Variants in MARCHF10 observed in about 807,000 individuals in gnomAD.
MARCHF10 encodes the protein probable E3 ubiquitin-protein ligase MARCHF10.
MARCHF10 carries 64 observed loss-of-function variants against 76.2 expected under a neutral mutation model. That is an observed-to-expected ratio of 0.84 (90% CI 0.69 to 1.03). MARCHF10 has a LOEUF of 1.03. Ranked by LOEUF, MARCHF10 falls within the 50% of genes least tolerant of loss-of-function variation. The probability of loss-of-function intolerance (pLI) is 0.00; values close to 1 mark genes in which losing one functional copy is unlikely to be tolerated. For missense variants in MARCHF10, 875 were observed against 958.0 expected (o/e 0.91, Z 1.14); for synonymous variants, 340 against 357.5 (o/e 0.95, Z 0.55).
At chr17:62,791,736 C>T (rs1026395529) in intron 2 of MARCHF10, among the ~76,000 whole-genome samples, 1 of 152,058 alleles carries the variant, frequency 6.6e-6, no homozygotes, top group African/African-American at 2.4e-5. Context: ...GTCGTAGAAG[C>T]AGCAAGAACC....
chr17:62,759,585 T>C (rs2092139073), intron 4 of MARCHF10, among the ~76,000 whole-genome samples: 1 of 152,176 alleles, frequency 6.6e-6, no homozygotes, highest in Non-Finnish European at 1.5e-5. Context: ...TTCAAGCGAT[T>C]CTCCTGCCTC....
intron 4 of MARCHF10, among the ~76,000 whole-genome samples, chr17:62,754,087 T>TGTC (rs1300696250): frequency 6.6e-6 from 1 of 152,136 alleles, no homozygotes; most frequent in Non-Finnish European, 1.5e-5. Context: ...TTGTTGTTGT[T>TGTC]GTCGAGACAT....
intron 3 of MARCHF10, among the ~76,000 whole-genome samples, chr17:62,771,371 C>G (rs938397329): frequency 6.6e-6 from 1 of 151,652 alleles, no homozygotes; most frequent in Non-Finnish European, 1.5e-5. Context: ...GGGGAGGGAA[C>G]AGCACGTGCA....
intron 8 of MARCHF10, among the ~76,000 whole-genome samples, chr17:62,715,346 A>G (rs1470528617): frequency 6.6e-6 from 1 of 152,222 alleles, no homozygotes; most frequent in Non-Finnish European, 1.5e-5. Flanking sequence ...ACCACGCCCA[A>G]TGGCAGGATA....
At chr17:62,766,233 GCTCACGCCT>G (rs1158047405) in intron 3 of MARCHF10, among the ~76,000 whole-genome samples, 3 of 152,138 alleles carry the variant, frequency 2.0e-5, no homozygotes, top group Non-Finnish European at 4.4e-5. Flanking sequence ...GGACGCGGTG[GCTCACGCCT>G]GTAATCCCAG....
At chr17:62,755,793 C>T (rs2092021797) in intron 4 of MARCHF10, among the ~76,000 whole-genome samples, 1 of 152,150 alleles carries the variant, frequency 6.6e-6, no homozygotes, top group Non-Finnish European at 1.5e-5. Flanking sequence ...AGTAGTTGTA[C>T]CTGCATTTAT....
intron 3 of MARCHF10, among the ~76,000 whole-genome samples, chr17:62,778,469 C>T (rs2092593895): frequency 2.6e-5 from 4 of 151,980 alleles, no homozygotes; most frequent in African/African-American, 9.7e-5. Context: ...GACAATAATC[C>T]AGACAAATCC....
At chr17:62,769,185 T>C (rs1046420417) in intron 3 of MARCHF10, among the ~76,000 whole-genome samples, 1 of 152,200 alleles carries the variant, frequency 6.6e-6, no homozygotes, top group Non-Finnish European at 1.5e-5. Flanking sequence ...TGGTAAATGC[T>C]GTGTTTGATC....
At position 62,711,087 on chromosome 17, in the gene MARCHF10, G is replaced by T; in HGVS notation, c.2328+144C>A. ...AGGGTCACCATGTGTACACTTAGCA[G>T]CTGCTAAATCTTAGTCCTAACAATG... On this transcript the variant is annotated intron_variant, in intron 9 of 10. Transcript: ENST00000311269. The surrounding 1 kb of genome is among the most constrained non-coding windows in gnomAD (Gnocchi z 4.4). 1.5e-6 allele frequency: 1 copy of T among 652,556 alleles called. No homozygotes were observed. The allele number at this position is 652,556 out of a possible 1,614,324, so 40.4% of individuals were successfully genotyped here. A position where few individuals can be genotyped will look rare whatever the true frequency, so the allele number is the denominator to read the frequency against.
chr17:62,748,895 C>T (rs1171701282), intron 4 of MARCHF10, among the ~76,000 whole-genome samples: 12 of 152,106 alleles, frequency 7.9e-5, no homozygotes. Context: ...TCCTATTTAC[C>T]CTGGACGATG....
chr17:62,713,308 G>GA (rs936454136), intron 8 of MARCHF10, among the ~76,000 whole-genome samples: 4 of 152,198 alleles, frequency 2.6e-5, no homozygotes, highest in African/African-American at 9.7e-5. Flanking sequence ...CAATCAGCTA[G>GA]AAAATGGTTT....
chr17:62,704,961 T>TTTATTGTAA, intron 10 of MARCHF10: 1 of 925,282 alleles, frequency 1.1e-6, no homozygotes, highest in Non-Finnish European at 1.3e-6. Flanking sequence ...TTTTTTTTTT[T>TTTATTGTAA]AATGGAAAAA....
chr17:62,738,087 C>CACAT lies in MARCHF10; in HGVS notation c.536-756_536-755insATGT, dbSNP rs1380371230. On this transcript the variant is annotated intron_variant, in intron 5 of 10. Coordinates refer to ENST00000311269, the MANE Select transcript of MARCHF10 (RefSeq NM_152598.4). This position sits in a 1 kb window ranked among gnomAD's most constrained non-coding sequence, Gnocchi z 4.0. The stretch of plus-strand genomic sequence containing the variant: ...ACACACACACACACACACACACACA[C>CACAT]ACACACACACACAACTTAAGCCTCA... 6.6e-6 allele frequency among the ~76,000 whole-genome samples: 1 copy of CACAT among 151,408 alleles called. No homozygotes were observed.
At chr17:62,705,042 T>G (rs12939531) in intron 10 of MARCHF10, 1 of 1,002,354 alleles carries the variant, frequency 1.0e-6, no homozygotes, top group African/African-American at 1.7e-5. Context: ...GGCCCTTTCT[T>G]GGGAGACCTG....
chr17:62,704,505 G>A (rs1345358057), intron 10 of MARCHF10, among the ~76,000 whole-genome samples: 1 of 152,376 alleles, frequency 6.6e-6, no homozygotes. Context: ...TGCGTGCCCG[G>A]AATAATAAAT....
At chr17:62,716,174 C>T (rs754624283) in intron 8 of MARCHF10, among the ~76,000 whole-genome samples, 15 of 152,232 alleles carry the variant, frequency 9.9e-5, no homozygotes, top group Admixed American at 3.9e-4. Flanking sequence ...TTTTGACCTC[C>T]ACCTGCAGGA....
intron 10 of MARCHF10, chr17:62,704,907 C>A: frequency 1.0e-6 from 1 of 983,258 alleles, no homozygotes; most frequent in Non-Finnish European, 1.2e-6. Context: ...AGTCTGACTT[C>A]GAGCCCGCCT....
rs183232528 is a variant in MARCHF10, at chr17:62,705,022, C to T, written c.2371+517G>A. ...ACCTGTTTGCAGAGAGCCGTCTTGCCCGCTTTGAGGGCCCTTTCTTGGGAG... is the reference window on the plus strand; with the variant it reads ...ACCTGTTTGCAGAGAGCCGTCTTGCTCGCTTTGAGGGCCCTTTCTTGGGAG... On this transcript the variant is annotated intron_variant, in intron 10 of 10. Transcript: ENST00000311269. 2,157 of 993,108 alleles carry T rather than the reference C, an allele frequency of 2.2e-3. 3 individuals carry two copies. Among genetic ancestry groups the T allele is most frequent in the Non-Finnish European group, 2.1e-3 (1,797 of 836,062 alleles). The allele number at this position is 993,108 out of a possible 1,614,324, so 61.5% of individuals were successfully genotyped here. A position where few individuals can be genotyped will look rare whatever the true frequency, so the allele number is the denominator to read the frequency against.
chr17:62,800,859 C>T (rs957303715), intron 2 of MARCHF10, among the ~76,000 whole-genome samples: 17 of 152,142 alleles, frequency 1.1e-4, no homozygotes, highest in African/African-American at 2.7e-4. Flanking sequence ...TGGTTTTGCA[C>T]GTAAACACTG....
Sources: allele counts gnomAD v4.1 joint callset (sites outside exome capture counted in the v4.1 genomes callset), GRCh38; gene constraint gnomAD v4.1.1; non-coding constraint Gnocchi (gnomAD v3.1); transcripts MANE v1.5; gene names NCBI Gene and HGNC (gene_info 2026-07-23, HGNC 2026-07-21).